The following RFX2 variants were observed in gnomAD, a reference collection of about 807,000 sequenced individuals.
The protein encoded by RFX2 is regulatory factor X2, also known as DNA-binding protein RFX2.
Under a neutral mutation model 87.8 loss-of-function variants are expected in RFX2, and 20 were observed. The ratio of observed to expected loss-of-function variants is 0.23; its 90% CI spans 0.16 to 0.33. RFX2 has a LOEUF of 0.33. Ranked by LOEUF, RFX2 falls within the 10% of genes least tolerant of loss-of-function variation. The pLI is 1.00. For synonymous variants in RFX2, 397 were observed against 431.3 expected, an observed-to-expected ratio of 0.92 and a Z score of 0.98; for missense variants, 767 against 1,012.3, an observed-to-expected ratio of 0.76 and a Z score of 3.29.
In RFX2 at chr19:6,110,162, CG is replaced by C. The variant is rs2088282771; in HGVS notation, c.-9+230del. On this transcript the variant is annotated intron_variant, in intron 1 of 17. Coordinates refer to ENST00000303657, the MANE Select transcript of RFX2 (RefSeq NM_000635.4). The surrounding 1 kb of genome is among the most constrained non-coding windows in gnomAD (Gnocchi z 4.3). ...TTTGTAAAAAGTGAGGCGACGGCAC[CG>C]CACCTCCCCCGCGTTCAGTCAATAA... is the stretch of plus-strand genomic sequence containing the variant. Among the ~76,000 whole-genome samples the C allele has an allele frequency of 6.6e-6, 1 of 152,122 alleles. No individual in the cohort carries two copies.
chr19:6,043,489 C>T (rs552424982), intron 3 of RFX2, among the ~76,000 whole-genome samples: 2 of 152,386 alleles, frequency 1.3e-5, no homozygotes, highest in East Asian at 3.9e-4. Flanking sequence ...CAGGATTCTG[C>T]AGGGCACAGT....
intron 5 of RFX2, among the ~76,000 whole-genome samples, chr19:6,035,886 T>A (rs977402803): frequency 3.5e-4 from 53 of 151,354 alleles, no homozygotes; most frequent in African/African-American, 1.2e-3. Flanking sequence ...TGTGTGTGTG[T>A]GTGAAAACAT....
In RFX2 at chr19:6,063,230, C is replaced by T. The variant is rs1021098674; in HGVS notation, c.-8-15726G>A. On this transcript the variant is annotated intron_variant, in intron 1 of 17. Coordinates refer to ENST00000303657, the MANE Select transcript of RFX2 (RefSeq NM_000635.4). This position sits in a 1 kb window ranked among gnomAD's most constrained non-coding sequence, Gnocchi z 4.0. ...AGATGTCCACACAACCCCCAAGGACCCTCTGATTCCAACGGAATTGGAGCC... is the reference window on the plus strand; with the variant it reads ...AGATGTCCACACAACCCCCAAGGACTCTCTGATTCCAACGGAATTGGAGCC... Among the ~76,000 whole-genome samples, 1 of 152,178 alleles carries T rather than the reference C, an allele frequency of 6.6e-6. No individual in the cohort carries two copies. The highest frequency in any genetic ancestry group is 1.5e-5 in the Non-Finnish European group (1 of 68,036).
intron 1 of RFX2, among the ~76,000 whole-genome samples, chr19:6,048,021 G>A (rs1040657726): frequency 6.6e-6 from 1 of 152,214 alleles, no homozygotes; most frequent in Non-Finnish European, 1.5e-5. Context: ...GCAGGGTGCT[G>A]AGCAGCACCC....
At chr19:6,104,467 G>A (rs1386586192) in intron 1 of RFX2, among the ~76,000 whole-genome samples, 1 of 151,730 alleles carries the variant, frequency 6.6e-6, no homozygotes, top group Non-Finnish European at 1.5e-5. Flanking sequence ...TACTCGGGAG[G>A]CTGAGGCAGG....
In RFX2 at chr19:6,016,131, A is replaced by G. The variant is rs1167607056; in HGVS notation, c.738T>C (p.Arg246=). 14 of 1,613,862 alleles carry G rather than the reference A, an allele frequency of 8.7e-6. 1 individual carries two copies. The East Asian group carries it at 1.6e-4, about 18-fold the overall frequency. The change falls in exon 7 of 18, where the codon CGT becomes CGC. Residue 246 remains arginine (R), a synonymous_variant. Coordinates refer to ENST00000303657, the MANE Select transcript of RFX2 (RefSeq NM_000635.4). The surrounding 1 kb of genome is among the most constrained non-coding windows in gnomAD (Gnocchi z 5.4). Reference sequence around the variant, plus strand: ...GCGTTCTCAGCCCCATAAACACAGAACGGATCAGTTTCCCGAAGGAGGCGG... The same window carrying G: ...GCGTTCTCAGCCCCATAAACACAGAGCGGATCAGTTTCCCGAAGGAGGCGG... ...VNAASFGKLI[R]SVFMGLRTRR... is the part of the protein sequence containing the mutation.
intron 1 of RFX2, among the ~76,000 whole-genome samples, chr19:6,084,003 CCTCTTGGG>C (rs1282612914): frequency 1.3e-5 from 2 of 152,168 alleles, no homozygotes; most frequent in Admixed American, 1.3e-4. Context: ...GCACCCCAGA[CCTCTTGGG>C]CAGGGAGAAT....
At chr19:6,093,820 T>C (rs2087980885) in intron 1 of RFX2, among the ~76,000 whole-genome samples, 1 of 152,092 alleles carries the variant, frequency 6.6e-6, no homozygotes, top group African/African-American at 2.4e-5. Context: ...GAGAACATCA[T>C]GCTAAAAACA....
intron 5 of RFX2, among the ~76,000 whole-genome samples, chr19:6,031,758 T>G (rs2144745377): frequency 6.6e-6 from 1 of 152,202 alleles, no homozygotes; most frequent in Non-Finnish European, 1.5e-5. Context: ...AAAACATCTT[T>G]TAGAATGTGA....
Position 6,050,101 on chromosome 19 carries a change from G to A in RFX2, c.-8-2597C>T, listed in dbSNP as rs1156514004. On this transcript the variant is annotated intron_variant, in intron 1 of 17. Transcript: ENST00000303657. This position sits in a 1 kb window ranked among gnomAD's most constrained non-coding sequence, Gnocchi z 4.6. Reference sequence around the variant, plus strand: ...CTAAGCAACTACACCACAAAGGTGTGGGGGAGATACCAGGGGTCTTGGGGA... The same window carrying A: ...CTAAGCAACTACACCACAAAGGTGTAGGGGAGATACCAGGGGTCTTGGGGA... 6.6e-6 allele frequency among the ~76,000 whole-genome samples: 1 copy of A among 152,168 alleles called. No homozygotes were observed. Among genetic ancestry groups the A allele is most frequent in the African/African-American group, 2.4e-5 (1 of 41,442 alleles).
At chr19:6,057,661 C>T (rs2087364943) in intron 1 of RFX2, among the ~76,000 whole-genome samples, 1 of 152,216 alleles carries the variant, frequency 6.6e-6, no homozygotes, top group Non-Finnish European at 1.5e-5. Flanking sequence ...TCCTCCTCTC[C>T]TGGTACTCGC....
In RFX2 at chr19:5,993,223, C is replaced by G. The variant is rs537172026; in HGVS notation, c.*1612G>C. 8 of 152,360 alleles carry G rather than the reference C, an allele frequency of 5.3e-5. No homozygotes were observed. The East Asian group carries it at 1.5e-3, about 29-fold the overall frequency. 9.4% of individuals were successfully genotyped at this position (152,360 alleles called of 1,614,324 possible). ...GTGAGGAAAAGCCGGGCATTACAAT[C>G]CGTTAACTGTGAGCTTCAGTGTCTC... is the stretch of plus-strand genomic sequence containing the variant. On this transcript the variant is annotated 3_prime_UTR_variant, in exon 18 of 18. Transcript: ENST00000303657.
At chr19:6,030,934 T>C (rs1213407752) in intron 5 of RFX2, among the ~76,000 whole-genome samples, 1 of 152,206 alleles carries the variant, frequency 6.6e-6, no homozygotes, top group Non-Finnish European at 1.5e-5. Context: ...TTTCATTACA[T>C]AGTGTCAAGA....
intron 1 of RFX2, chr19:6,078,445 C>T (rs2087727685): frequency 6.6e-6 from 1 of 151,902 alleles, no homozygotes; most frequent in Non-Finnish European, 1.5e-5. Context: ...TCATTAAGTA[C>T]CTTATGGTGC....
chr19:6,054,991 T>A (rs2087314708), intron 1 of RFX2, among the ~76,000 whole-genome samples: 1 of 152,174 alleles, frequency 6.6e-6, no homozygotes, highest in Admixed American at 6.5e-5. Flanking sequence ...TATATCTACA[T>A]CTATATCTAT....
chr19:6,019,831 C>T (rs1018409739), intron 6 of RFX2: 4 of 152,190 alleles, frequency 2.6e-5, no homozygotes, highest in Non-Finnish European at 4.4e-5. Context: ...GCCTGTTCCC[C>T]GCAGACTATG....
Position 5,997,310 on chromosome 19 carries a change from G to A in RFX2, c.1860-97C>T, listed in dbSNP as rs949525095. ...GGCAGCAACACACCCCCTGCTCTAC[G>A]TTCCCTGGGGAACCCAGAGGCTGAG... On this transcript the variant is annotated intron_variant, in intron 15 of 17. Coordinates refer to ENST00000303657, the MANE Select transcript of RFX2 (RefSeq NM_000635.4). This position sits in a 1 kb window ranked among gnomAD's most constrained non-coding sequence, Gnocchi z 4.2. The A allele has an allele frequency of 1.2e-5, 16 of 1,321,384 alleles. No individual in the cohort carries two copies. Among genetic ancestry groups the A allele is most frequent in the East Asian group, 2.6e-5 (1 of 39,038 alleles). The allele number at this position is 1,321,384 out of a possible 1,614,324, so 81.9% of individuals were successfully genotyped here.
Position 6,016,037 on chromosome 19 carries a change from A to T in RFX2, c.779+53T>A. 1 of 1,506,016 alleles carries T rather than the reference A, an allele frequency of 6.6e-7. No homozygotes were observed. Among genetic ancestry groups the T allele is most frequent in the Non-Finnish European group, 8.9e-7 (1 of 1,119,328 alleles). 93.3% of individuals were successfully genotyped at this position (1,506,016 alleles called of 1,614,324 possible). ...AGCCTCGCATTTTCCCAAAAGCTCC[A>T]TTTCTTGGGAAAGGAAGAGGAAGAA... On this transcript the variant is annotated intron_variant, in intron 7 of 17. Transcript: ENST00000303657. This position sits in a 1 kb window ranked among gnomAD's most constrained non-coding sequence, Gnocchi z 5.4.
chr19:6,084,110 C>T (rs2087822653), intron 1 of RFX2, among the ~76,000 whole-genome samples: 1 of 152,116 alleles, frequency 6.6e-6, no homozygotes, highest in African/African-American at 2.4e-5. Flanking sequence ...CCCAAGCTTT[C>T]CATTAGGCTC....
Sources: allele counts gnomAD v4.1 joint callset (sites outside exome capture counted in the v4.1 genomes callset), GRCh38; gene constraint gnomAD v4.1.1; non-coding constraint Gnocchi (gnomAD v3.1); transcripts MANE v1.5; gene names NCBI Gene and HGNC (gene_info 2026-07-23, HGNC 2026-07-21).